The following CLVS1 variants were observed in gnomAD, a reference collection of about 807,000 sequenced individuals.
CLVS1 encodes the protein clavesin 1, also known as clavesin-1.
In CLVS1, 10 loss-of-function variants were observed where a neutral mutation model predicts 33.1. The ratio of observed to expected loss-of-function variants is 0.30; its 90% CI spans 0.19 to 0.51. The LOEUF (loss-of-function observed/expected upper bound fraction) is 0.51. CLVS1 is among the 20% of genes least tolerant of loss of function. The probability of loss-of-function intolerance (pLI) is 0.97; values close to 1 mark genes in which losing one functional copy is unlikely to be tolerated. For synonymous variants in CLVS1, 163 were observed against 166.1 expected (o/e 0.98, Z 0.14); for missense variants, 343 against 433.4 (o/e 0.79, Z 1.85).
At chr8:61,211,843 G>C (rs919140711) in intron 2 of CLVS1, among the ~76,000 whole-genome samples, 2 of 152,188 alleles carry the variant, frequency 1.3e-5, no homozygotes, top group Non-Finnish European at 2.9e-5. Flanking sequence ...GTCAAAGTCA[G>C]AGAAAAGAGC....
chr8:61,064,113 A>G (rs1200042285), intron 1 of CLVS1, among the ~76,000 whole-genome samples: 2 of 152,168 alleles, frequency 1.3e-5, no homozygotes, highest in Non-Finnish European at 1.5e-5. Flanking sequence ...CATTTTGTTT[A>G]CCCATCCACC....
chr8:61,324,498 A>T (rs1283218967), intron 2 of CLVS1, among the ~76,000 whole-genome samples: 1 of 152,094 alleles, frequency 6.6e-6, no homozygotes, highest in Non-Finnish European at 1.5e-5. Context: ...CATGAAAATG[A>T]ACTAATACAG....
chr8:61,021,343 TTTTG>T, the CLVS1 span, among the ~76,000 whole-genome samples: 18 of 151,874 alleles, frequency 1.2e-4, no homozygotes, highest in African/African-American at 3.4e-4. Flanking sequence ...CACGGTTGTG[TTTTG>T]TTTGTTTGTT....
chr8:61,150,453 T>A (rs937664277), intron 2 of CLVS1, among the ~76,000 whole-genome samples: 2 of 152,192 alleles, frequency 1.3e-5, no homozygotes, highest in African/African-American at 4.8e-5. Context: ...CTGGCCTTTG[T>A]CTCATTCTCC....
chr8:61,189,072 C>A (rs761044710), intron 2 of CLVS1, among the ~76,000 whole-genome samples: 1 of 152,066 alleles, frequency 6.6e-6, no homozygotes, highest in Non-Finnish European at 1.5e-5. Flanking sequence ...ACGTAACTGT[C>A]AGATTCACCA....
At chr8:61,381,228 T>C (rs1272517437) in intron 3 of CLVS1, among the ~76,000 whole-genome samples, 1 of 152,146 alleles carries the variant, frequency 6.6e-6, no homozygotes, top group Admixed American at 6.5e-5. Context: ...TCCAACAGTT[T>C]TGAGCCACTT....
the CLVS1 span, among the ~76,000 whole-genome samples, chr8:61,038,793 C>T: frequency 9.9e-5 from 15 of 152,196 alleles, 1 homozygote; most frequent in East Asian, 1.7e-3. Context: ...GAGTGCTCAG[C>T]GCATGTGAAC....
intron 3 of CLVS1, among the ~76,000 whole-genome samples, chr8:61,381,940 T>G (rs1416239931): frequency 6.6e-6 from 1 of 152,170 alleles, no homozygotes; most frequent in African/African-American, 2.4e-5. Context: ...TTTATATTCT[T>G]TTGGGTATTT....
intron 2 of CLVS1, among the ~76,000 whole-genome samples, chr8:61,138,315 T>G (rs2129292485): frequency 6.6e-6 from 1 of 152,298 alleles, no homozygotes; most frequent in Non-Finnish European, 1.5e-5. Context: ...AAAATTACAT[T>G]GTTCCTCTGT....
At chr8:61,301,961 T>TA (rs1563485682) in intron 2 of CLVS1, among the ~76,000 whole-genome samples, 1 of 152,216 alleles carries the variant, frequency 6.6e-6, no homozygotes. Flanking sequence ...TTCACAGAGA[T>TA]ATAATCATTA....
At chr8:61,330,392 A>G (rs1436955782) in intron 2 of CLVS1, among the ~76,000 whole-genome samples, 1 of 152,192 alleles carries the variant, frequency 6.6e-6, no homozygotes, top group Admixed American at 6.5e-5. Context: ...AAGAGGAGAA[A>G]GGAATTATTG....
chr8:61,244,560 TGA>T (rs1310187275), intron 2 of CLVS1, among the ~76,000 whole-genome samples: 1 of 152,206 alleles, frequency 6.6e-6, no homozygotes, highest in African/African-American at 2.4e-5. Context: ...TATTAGTTGC[TGA>T]GAGAGATTTG....
At chr8:61,496,235 A>C (rs917197001) in intron 5 of CLVS1, among the ~76,000 whole-genome samples, 1 of 152,216 alleles carries the variant, frequency 6.6e-6, no homozygotes, top group East Asian at 1.9e-4. Context: ...AAGTGAAGTC[A>C]TATGACAGAA....
At chr8:61,361,514 G>C (rs1178197210) in intron 2 of CLVS1, among the ~76,000 whole-genome samples, 2 of 152,164 alleles carry the variant, frequency 1.3e-5, no homozygotes, top group Non-Finnish European at 2.9e-5. Flanking sequence ...CTCATAGTTT[G>C]ACACAACTGT....
At chr8:61,452,590 G>A (rs1394387577) in intron 3 of CLVS1, among the ~76,000 whole-genome samples, 2 of 152,036 alleles carry the variant, frequency 1.3e-5, no homozygotes, top group Non-Finnish European at 2.9e-5. Context: ...ACTATACCTG[G>A]AGGAAAAAAG....
chr8:61,002,282 G>A, the CLVS1 span, among the ~76,000 whole-genome samples: 2 of 148,310 alleles, frequency 1.3e-5, no homozygotes, highest in African/African-American at 5.0e-5. Context: ...GCACCCAGCT[G>A]ATCAATCCAC....
At chr8:61,275,787 G>T (rs1051274823) in intron 2 of CLVS1, among the ~76,000 whole-genome samples, 2 of 152,128 alleles carry the variant, frequency 1.3e-5, no homozygotes, top group African/African-American at 2.4e-5. Flanking sequence ...CCTTTACAAT[G>T]CCATTCATCC....
At position 61,318,960 on chromosome 8, in the gene CLVS1, T is replaced by C. The variant is rs539390360; in HGVS notation, c.455+18678T>C. Among the ~76,000 whole-genome samples, 13 of 152,258 alleles carry C rather than the reference T, an allele frequency of 8.5e-5. No homozygotes were observed. The South Asian group carries it at 2.7e-3, about 32-fold the overall frequency. On this transcript the variant is annotated intron_variant, in intron 2 of 5. Transcript: ENST00000325897. ...GTGTCTATAGTTTTTATTCTTATAATTTCTATTTGAATATTTTAATACTAT... is the reference window on the plus strand; with the variant it reads ...GTGTCTATAGTTTTTATTCTTATAACTTCTATTTGAATATTTTAATACTAT...
chr8:61,313,877 A>G (rs543640666), intron 2 of CLVS1, among the ~76,000 whole-genome samples: 1 of 152,212 alleles, frequency 6.6e-6, no homozygotes, highest in East Asian at 1.9e-4. Context: ...TAATGGAGAG[A>G]GAGAGCACAT....
Sources: allele counts gnomAD v4.1 joint callset (sites outside exome capture counted in the v4.1 genomes callset), GRCh38; gene constraint gnomAD v4.1.1; transcripts MANE v1.5; gene names NCBI Gene and HGNC (gene_info 2026-07-23, HGNC 2026-07-21).